The following KIF24 variants were observed in gnomAD, a reference collection of about 807,000 sequenced individuals.
The protein encoded by KIF24 is kinesin family member 24.
In KIF24, 81 loss-of-function variants were observed where a neutral mutation model predicts 118.9. The observed-to-expected ratio is 0.68, with a 90% CI of 0.57 to 0.82. The LOEUF is 0.82. Ranked by LOEUF, KIF24 falls within the 40% of genes least tolerant of loss-of-function variation. The pLI, the probability that KIF24 is intolerant of heterozygous loss-of-function variation, is 0.00. For missense variants in KIF24, 1,560 were observed against 1,661.6 expected (o/e 0.94, Z 1.06); for synonymous variants, 599 against 610.0 (o/e 0.98, Z 0.27).
chr9:34,325,203 G>A (rs1837635902), intron 1 of KIF24, among the ~76,000 whole-genome samples: 1 of 151,370 alleles, frequency 6.6e-6, no homozygotes, highest in South Asian at 2.1e-4. Context: ...AAATTAATTG[G>A]GCATGGTGGC....
intron 1 of KIF24, chr9:34,319,502 G>A: frequency 7.8e-7 from 1 of 1,285,912 alleles, no homozygotes; most frequent in Non-Finnish European, 1.1e-6. Flanking sequence ...CCTTTGACCA[G>A]GACATCTATG....
intron 4 of KIF24, 57 bp downstream of exon 4, chr9:34,296,960 T>C: frequency 2.5e-6 from 2 of 795,136 alleles, no homozygotes; most frequent in Non-Finnish European, 4.1e-6. Flanking sequence ...TAAAGAAATA[T>C]GGCCTAATGG....
rs145031197 is a variant in KIF24 at position 34,254,375 on chromosome 9, T to C, written c.*5A>G. 4 of 1,611,136 alleles carry C rather than the reference T, an allele frequency of 2.5e-6. No individual in the cohort carries two copies. Among genetic ancestry groups the C allele is most frequent in the Non-Finnish European group, 2.5e-6 (3 of 1,179,232 alleles). On this transcript the variant is annotated 3_prime_UTR_variant, in exon 13 of 13. Transcript: ENST00000402558. ...GCCCCCACCATCTCGGCACAGGGTC[T>C]GGCTCTAAGACGGCACTGTTCCCTC...
intron 3 of KIF24, among the ~76,000 whole-genome samples, chr9:34,305,742 TACAGGTACACA>T (rs1256119116): frequency 6.6e-6 from 1 of 152,148 alleles, no homozygotes; most frequent in Non-Finnish European, 1.5e-5. Flanking sequence ...TAGTTAAGAC[TACAGGTACACA>T]CCACCATGCT....
intron 6 of KIF24, among the ~76,000 whole-genome samples, chr9:34,283,052 C>CAAA (rs33926979): frequency 8.7e-5 from 6 of 69,048 alleles, no homozygotes; most frequent in African/African-American, 2.2e-4. Flanking sequence ...AACTCCGTCT[C>CAAA]AAAAAAAAAA....
At chr9:34,293,602 C>T (rs181550846) in intron 4 of KIF24, among the ~76,000 whole-genome samples, 9 of 152,122 alleles carry the variant, frequency 5.9e-5, no homozygotes, top group Non-Finnish European at 1.0e-4. Flanking sequence ...GTGAAACCCC[C>T]GTCTCTACTA....
intron 7 of KIF24, among the ~76,000 whole-genome samples, chr9:34,271,340 A>AG (rs1835499227): frequency 1.1e-5 from 1 of 94,328 alleles, no homozygotes; most frequent in African/African-American, 4.5e-5. Flanking sequence ...AAAAAAAAAA[A>AG]AAAGAAAAAG....
rs1836089187 is a variant in KIF24, at chr9:34,287,350, T to G, written c.1128-646A>C. Among the ~76,000 whole-genome samples, 6 of 152,194 alleles carry G rather than the reference T, an allele frequency of 3.9e-5. No individual in the cohort carries two copies. In the South Asian group the frequency reaches 1.0e-3, roughly 26 times the overall value. ...AGTACACATGGGGTTTTCTTTTATT[T>G]GCAATGTAAAGAGACCTGATACATC... On this transcript the variant is annotated intron_variant, in intron 5 of 12. Coordinates refer to ENST00000402558, the MANE Select transcript of KIF24 (RefSeq NM_194313.4).
Position 34,272,771 on chromosome 9 carries a change from C to T in KIF24, c.1216-841G>A, listed in dbSNP as rs1315188306. On this transcript the variant is annotated intron_variant, in intron 6 of 12. Coordinates refer to ENST00000402558, the MANE Select transcript of KIF24 (RefSeq NM_194313.4). ...CTGAGTAGCTGGGATTATAGGTGTG[C>T]ATCGCCACACCTGGCTAATTTTAAA... Among the ~76,000 whole-genome samples the T allele has an allele frequency of 3.3e-5, 5 of 152,116 alleles. No individual in the cohort carries two copies. The East Asian group carries it at 7.7e-4, about 23-fold the overall frequency.
chr9:34,328,215 G>A (rs1837740825), intron 1 of KIF24, among the ~76,000 whole-genome samples: 1 of 152,138 alleles, frequency 6.6e-6, no homozygotes, highest in Admixed American at 6.5e-5. Flanking sequence ...CACTTCAATA[G>A]AGAGACTACA....
intron 1 of KIF24, among the ~76,000 whole-genome samples, chr9:34,314,558 G>C (rs1333039685): frequency 1.3e-5 from 2 of 152,144 alleles, no homozygotes; most frequent in Non-Finnish European, 2.9e-5. Flanking sequence ...CCAGGTTTTA[G>C]GAAAGGCAGA....
At chr9:34,284,563 T>C (rs1347503776) in intron 6 of KIF24, among the ~76,000 whole-genome samples, 4 of 152,124 alleles carry the variant, frequency 2.6e-5, no homozygotes, top group African/African-American at 9.7e-5. Flanking sequence ...AAAAGCATAA[T>C]ATTGAGCAAA....
At chr9:34,298,470 C>G (rs1258180013) in intron 3 of KIF24, among the ~76,000 whole-genome samples, 1 of 151,320 alleles carries the variant, frequency 6.6e-6, no homozygotes, top group Admixed American at 6.6e-5. Flanking sequence ...CGCTGGAACC[C>G]GGGAGGCAGA....
intron 10 of KIF24, among the ~76,000 whole-genome samples, 199 bp downstream of exon 10, chr9:34,259,397 C>T (rs1834970412): frequency 6.6e-6 from 1 of 152,226 alleles, no homozygotes; most frequent in Non-Finnish European, 1.5e-5. Context: ...CAGGGCCTAC[C>T]AGGTCACAGT....
chr9:34,289,943 T>C (rs913497557), intron 5 of KIF24, among the ~76,000 whole-genome samples: 78 of 152,334 alleles, frequency 5.1e-4, no homozygotes, highest in Admixed American at 4.5e-3. Context: ...AGTCTTTTGA[T>C]AGACATTAGA....
chr9:34,318,729 C>T lies in KIF24; in HGVS notation c.-25-7358G>A. 1 of 1,504,882 alleles carries T rather than the reference C, an allele frequency of 6.6e-7. No homozygotes were observed. The highest frequency in any genetic ancestry group is 1.9e-5 in the Admixed American group (1 of 53,096). The allele number at this position is 1,504,882 out of a possible 1,614,324, so 93.2% of individuals were successfully genotyped here. A position where few individuals can be genotyped will look rare whatever the true frequency, so the allele number is the denominator to read the frequency against. On this transcript the variant is annotated intron_variant, in intron 1 of 12. Transcript: ENST00000402558. This position sits in a 1 kb window ranked among gnomAD's most constrained non-coding sequence, Gnocchi z 4.9. ...CAGCTGAGCGACGAGGAGGTGCACG[C>T]CGGCGTGGGCGAGCCGCTGCGTTCA...
chr9:34,303,209 C>T (rs1836791817), intron 3 of KIF24, among the ~76,000 whole-genome samples: 2 of 152,016 alleles, frequency 1.3e-5, no homozygotes, highest in Non-Finnish European at 2.9e-5. Context: ...GTTACCATAC[C>T]CAGCCTGTAT....
intron 4 of KIF24, among the ~76,000 whole-genome samples, chr9:34,294,381 C>A (rs1220141910): frequency 6.6e-6 from 1 of 152,016 alleles, no homozygotes; most frequent in Non-Finnish European, 1.5e-5. Flanking sequence ...CATGGAGAAA[C>A]CCCATCTCTA....
intron 11 of KIF24, 68 bp from the exon 12 acceptor site, chr9:34,255,233 G>A (rs1379315748): frequency 2.0e-6 from 2 of 985,768 alleles, no homozygotes; most frequent in East Asian, 2.6e-5. Context: ...GCTTTCTGGA[G>A]GTGATCTCAT....
Sources: gnomAD v4.1 joint callset for allele counts (sites outside exome capture counted in the v4.1 genomes callset) on GRCh38, gnomAD v4.1.1 for gene constraint, Gnocchi (gnomAD v3.1) non-coding constraint, MANE v1.5 for transcripts, NCBI Gene and HGNC (gene_info 2026-07-23, HGNC 2026-07-21) for gene names.